AGBL4: variants seen among roughly 807,000 people sequenced by gnomAD.
AGBL4 encodes the protein cytosolic carboxypeptidase 6.
AGBL4 carries 58 observed loss-of-function variants against 66.4 expected under a neutral mutation model. The observed-to-expected ratio is 0.87, with a 90% CI of 0.71 to 1.09. AGBL4 has a LOEUF of 1.09. Among genes scored for constraint, AGBL4 ranks in the 50% least tolerant of loss-of-function variants. AGBL4 has a pLI of 0.00. For synonymous variants in AGBL4, 234 were observed against 222.9 expected (o/e 1.05, Z -0.44); for missense variants, 579 against 631.0 (o/e 0.92, Z 0.88).
chr1:49,006,018 A>T (rs1571210806), intron 5 of AGBL4, among the ~76,000 whole-genome samples: 1 of 150,344 alleles, frequency 6.7e-6, no homozygotes, highest in Non-Finnish European at 1.5e-5. Context: ...AAAAGGGAGG[A>T]GGAGCCAAGA....
At chr1:49,682,785 A>C (rs959229735) in intron 3 of AGBL4, among the ~76,000 whole-genome samples, 3 of 152,276 alleles carry the variant, frequency 2.0e-5, no homozygotes, top group African/African-American at 7.2e-5. Context: ...TTCATTTTTC[A>C]CTGGGCTTCG....
At chr1:49,930,691 T>C (rs886322311) in intron 1 of AGBL4, among the ~76,000 whole-genome samples, 1 of 152,050 alleles carries the variant, frequency 6.6e-6, no homozygotes, top group Non-Finnish European at 1.5e-5. Context: ...AATATATCCA[T>C]TAAAAGCATA....
At chr1:48,642,259 C>T (rs1645768576) in intron 8 of AGBL4, among the ~76,000 whole-genome samples, 1 of 152,108 alleles carries the variant, frequency 6.6e-6, no homozygotes, top group Non-Finnish European at 1.5e-5. Context: ...AGGTCTTTAC[C>T]CTATAATGGT....
chr1:49,454,298 A>G (rs1206939504), intron 3 of AGBL4, among the ~76,000 whole-genome samples: 1 of 151,766 alleles, frequency 6.6e-6, no homozygotes, highest in African/African-American at 2.4e-5. Context: ...TGGTTCCCCA[A>G]GTTTACTGAA....
At chr1:48,756,537 G>C (rs949257023) in intron 6 of AGBL4, among the ~76,000 whole-genome samples, 1 of 152,152 alleles carries the variant, frequency 6.6e-6, no homozygotes, top group Non-Finnish European at 1.5e-5. Context: ...AGAAAATAAG[G>C]TCATAGGAAA....
chr1:49,144,687 G>C (rs1455717385), intron 4 of AGBL4, among the ~76,000 whole-genome samples: 1 of 152,110 alleles, frequency 6.6e-6, no homozygotes, highest in Non-Finnish European at 1.5e-5. Context: ...ATGATAATTT[G>C]ATGATAAATG....
intron 3 of AGBL4, among the ~76,000 whole-genome samples, chr1:49,515,047 T>C (rs1487929554): frequency 6.6e-6 from 1 of 151,990 alleles, no homozygotes; most frequent in Admixed American, 6.5e-5. Context: ...GGGATCTAAT[T>C]AAACTAAAGA....
Position 48,998,497 on chromosome 1 carries a change from C to T in AGBL4, c.594+47087G>A, listed in dbSNP as rs549135418. 1.8e-4 allele frequency among the ~76,000 whole-genome samples: 27 copies of T among 152,290 alleles called. No individual in the cohort carries two copies. The South Asian group carries it at 5.0e-3, about 28-fold the overall frequency. On this transcript the variant is annotated intron_variant, in intron 5 of 13. Transcript: ENST00000371839. ...ATGAACATTCTCACTGCAATAAATA[C>T]CAGGCATGTCACCAACTTCTGACCA...
intron 5 of AGBL4, among the ~76,000 whole-genome samples, chr1:48,940,359 C>T (rs1004787033): frequency 1.3e-5 from 2 of 151,902 alleles, no homozygotes; most frequent in Non-Finnish European, 2.9e-5. Context: ...ACCTGGGCAA[C>T]AAGAGTGAGA....
At chr1:49,484,104 C>A (rs1011189248) in intron 3 of AGBL4, among the ~76,000 whole-genome samples, 1 of 151,912 alleles carries the variant, frequency 6.6e-6, no homozygotes, top group Middle Eastern at 3.4e-3. Flanking sequence ...ATAACAAATG[C>A]AAGTGAGGAT....
intron 3 of AGBL4, among the ~76,000 whole-genome samples, chr1:49,613,886 A>G (rs1298198842): frequency 6.6e-6 from 1 of 152,198 alleles, no homozygotes; most frequent in Non-Finnish European, 1.5e-5. Context: ...TGGTGCCAAA[A>G]AGCTTGGGGA....
chr1:49,948,059 T>TAAATATATATATATAC (rs1655529173), intron 1 of AGBL4, among the ~76,000 whole-genome samples: 9 of 91,952 alleles, frequency 9.8e-5, no homozygotes, highest in African/African-American at 1.9e-4. Context: ...TAAATATATA[T>TAAATATATATATATAC]ATGTAAATAT....
chr1:49,302,678 A>ATTTTATTTTATTTTATTT, intron 3 of AGBL4, among the ~76,000 whole-genome samples: 4 of 116,582 alleles, frequency 3.4e-5, no homozygotes, highest in South Asian at 5.0e-4. Context: ...ATTTTATTTT[A>ATTTTATTTTATTTTATTT]TATTCCTAGA....
chr1:48,786,336 G>A (rs1441635628), intron 6 of AGBL4, among the ~76,000 whole-genome samples: 1 of 152,172 alleles, frequency 6.6e-6, no homozygotes. Flanking sequence ...AAGACTTAGA[G>A]AGATCATAGA....
intron 11 of AGBL4, among the ~76,000 whole-genome samples, chr1:48,542,781 T>C (rs1027790567): frequency 1.3e-5 from 2 of 152,228 alleles, no homozygotes; most frequent in African/African-American, 4.8e-5. Context: ...TCTTCCATTC[T>C]GTAGCTTGTC....
At chr1:49,211,036 C>A (rs1169493022) in intron 4 of AGBL4, among the ~76,000 whole-genome samples, 1 of 152,018 alleles carries the variant, frequency 6.6e-6, no homozygotes, top group Non-Finnish European at 1.5e-5. Flanking sequence ...AGTACCCTGC[C>A]AAATGGGTGT....
chr1:48,533,367 A>C lies in AGBL4; in HGVS notation c.*806T>G, dbSNP rs1643920972. 6.6e-6 allele frequency: 1 copy of C among 152,174 alleles called. No individual in the cohort carries two copies. The highest frequency in any genetic ancestry group is 1.9e-4 in the East Asian group (1 of 5,194). The allele number at this position is 152,174 out of a possible 1,614,324, so 9.4% of individuals were successfully genotyped here. A position where few individuals can be genotyped will look rare whatever the true frequency, so the allele number is the denominator to read the frequency against. ...CAGGGTGCATCCTTCTGTCTTTTGCATCTTCCTTGCCTGGCAATCACCCTT... is the reference window on the plus strand; with the variant it reads ...CAGGGTGCATCCTTCTGTCTTTTGCCTCTTCCTTGCCTGGCAATCACCCTT... On this transcript the variant is annotated 3_prime_UTR_variant, in exon 14 of 14. Coordinates refer to ENST00000371839, the MANE Select transcript of AGBL4 (RefSeq NM_032785.4).
chr1:49,800,426 A>G (rs945532939), intron 2 of AGBL4, among the ~76,000 whole-genome samples: 1 of 143,216 alleles, frequency 7.0e-6, no homozygotes, highest in Non-Finnish European at 1.5e-5. Context: ...CAGGTTAGTT[A>G]CATATGTATA....
intron 1 of AGBL4, among the ~76,000 whole-genome samples, chr1:49,919,376 C>T (rs929738952): frequency 6.6e-6 from 1 of 152,300 alleles, no homozygotes; most frequent in African/African-American, 2.4e-5. Flanking sequence ...TGATAAGCAA[C>T]TTCAGCAGCA....
Sources: allele counts gnomAD v4.1 joint callset (sites outside exome capture counted in the v4.1 genomes callset), GRCh38; gene constraint gnomAD v4.1.1; transcripts MANE v1.5; gene names NCBI Gene and HGNC (gene_info 2026-07-23, HGNC 2026-07-21).